The following RNF212 variants were observed in gnomAD, a reference collection of about 807,000 sequenced individuals.
RNF212 encodes probable E3 SUMO-protein ligase RNF212.
A neutral mutation model predicts 34.7 loss-of-function variants in RNF212; 33 were observed. The ratio of observed to expected loss-of-function variants is 0.95; its 90% CI spans 0.72 to 1.27. The LOEUF (loss-of-function observed/expected upper bound fraction) is 1.27, where lower values mean the gene tolerates loss of function less well. Among genes scored for constraint, RNF212 ranks in the 50% most tolerant of loss-of-function variants. The probability of loss-of-function intolerance (pLI) is 0.00; values close to 1 mark genes in which losing one functional copy is unlikely to be tolerated. For missense variants in RNF212, 377 were observed against 362.2 expected, an observed-to-expected ratio of 1.04 and a Z score of -0.33; for synonymous variants, 140 against 136.1, an observed-to-expected ratio of 1.03 and a Z score of -0.20.
At chr4:1,057,140 C>T (rs1717377569) in intron 4 of RNF212, 1 of 256,172 alleles carries the variant, frequency 3.9e-6, no homozygotes, top group African/African-American at 2.3e-5. Context: ...GCAGCACGCA[C>T]ACCCCCGCCC....
Position 1,090,764 on chromosome 4 carries a change from T to A in RNF212, c.303+18A>T. ...AAGGTCAAAAAAATTCAAGTGGCAA[T>A]GAATCAATTCCACTTACCTTTTCTC... is the stretch of plus-strand genomic sequence containing the variant. On this transcript the variant is annotated intron_variant, in intron 4 of 9. Transcript: ENST00000433731. 6.9e-7 allele frequency: 1 copy of A among 1,441,812 alleles called. No individual in the cohort carries two copies. Among genetic ancestry groups the A allele is most frequent in the Non-Finnish European group, 9.7e-7 (1 of 1,027,202 alleles). The allele number at this position is 1,441,812 out of a possible 1,614,324, so 89.3% of individuals were successfully genotyped here. A position where few individuals can be genotyped will look rare whatever the true frequency, so the allele number is the denominator to read the frequency against.
At chr4:1,064,955 G>A (rs1161924353) in intron 3 of RNF212, among the ~76,000 whole-genome samples, 1 of 152,200 alleles carries the variant, frequency 6.6e-6, no homozygotes. Flanking sequence ...TCATCCACGC[G>A]GTAGCGTGTG....
At chr4:1,073,862 G>C (rs1718837168) in intron 8 of RNF212, 200 bp from the exon 9 acceptor site, 4 of 587,336 alleles carry the variant, frequency 6.8e-6, no homozygotes, top group Non-Finnish European at 1.2e-5. Flanking sequence ...GTGTGGGTGG[G>C]TATTACCTGA....
downstream of RNF212, among the ~76,000 whole-genome samples, chr4:1,066,580 C>T (rs1292527921): frequency 6.6e-6 from 1 of 152,226 alleles, no homozygotes; most frequent in Non-Finnish European, 1.5e-5. Flanking sequence ...ATCCTTTTGC[C>T]TTGGTCTCCC....
intron 3 of RNF212, among the ~76,000 whole-genome samples, chr4:1,095,083 CGG>C (rs1722834945): frequency 1.3e-5 from 2 of 151,224 alleles, no homozygotes; most frequent in East Asian, 2.0e-4. Flanking sequence ...TGGCTCATCA[CGG>C]AACCAAGCAC....
intron 2 of RNF212, among the ~76,000 whole-genome samples, chr4:1,103,135 T>G (rs960058323): frequency 6.6e-6 from 1 of 152,122 alleles, no homozygotes; most frequent in East Asian, 1.9e-4. Context: ...GACAAGAAAT[T>G]TGAAAATTCC....
chr4:1,093,450 C>A, intron 3 of RNF212: 1 of 1,437,242 alleles, frequency 7.0e-7, no homozygotes, highest in South Asian at 1.5e-5. Context: ...CACACAGCTG[C>A]GGGAAAACTC....
intron 2 of RNF212, among the ~76,000 whole-genome samples, chr4:1,104,695 C>T (rs935739423): frequency 5.9e-5 from 9 of 152,162 alleles, no homozygotes; most frequent in African/African-American, 9.7e-5. Context: ...CAGAGTGGAG[C>T]GCCCCCACCA....
chr4:1,112,156 G>A (rs1217849544), intron 1 of RNF212, among the ~76,000 whole-genome samples: 1 of 152,162 alleles, frequency 6.6e-6, no homozygotes, highest in Non-Finnish European at 1.5e-5. Context: ...GCAGTAAACC[G>A]AGATCCCGCC....
At chr4:1,074,294 G>C (rs1718921770) in intron 8 of RNF212, among the ~76,000 whole-genome samples, 1 of 152,172 alleles carries the variant, frequency 6.6e-6, no homozygotes, top group South Asian at 2.1e-4. Flanking sequence ...TCTAGTTGCT[G>C]CCCCTTCCTG....
chr4:1,091,824 T>C (rs1460775978), intron 3 of RNF212, among the ~76,000 whole-genome samples: 1 of 152,150 alleles, frequency 6.6e-6, no homozygotes, highest in African/African-American at 2.4e-5. Flanking sequence ...CGGAGTGACT[T>C]GGAGCTCTAG....
chr4:1,090,884 C>G, intron 3 of RNF212, 46 bp from the exon 4 acceptor site: 2 of 1,279,926 alleles, frequency 1.6e-6, no homozygotes, highest in South Asian at 2.4e-5. Context: ...TCCACGGTCT[C>G]TGTGGCTGGA....
intron 4 of RNF212, chr4:1,056,923 G>C: frequency 3.0e-6 from 3 of 988,016 alleles, no homozygotes; most frequent in Non-Finnish European, 3.6e-6. Flanking sequence ...AGCTTGGAGA[G>C]TCCCCTCTTC....
intron 2 of RNF212, chr4:1,099,596 A>G: frequency 2.5e-6 from 1 of 397,666 alleles, no homozygotes; most frequent in Admixed American, 2.8e-5. Flanking sequence ...AAAAGTCAAG[A>G]TTGCTCGCAC....
At chr4:1,068,440 G>A (rs1718231520), downstream of RNF212, among the ~76,000 whole-genome samples, 1 of 152,152 alleles carries the variant, frequency 6.6e-6, no homozygotes, top group Non-Finnish European at 1.5e-5. Flanking sequence ...TATGTTTGCT[G>A]TGGTTGCTTT....
At chr4:1,085,829 C>T (rs998473310) in intron 5 of RNF212, 67 bp downstream of exon 5, 11 of 1,047,980 alleles carry the variant, frequency 1.0e-5, no homozygotes, top group Non-Finnish European at 1.7e-5. Context: ...TCTTGGAGAG[C>T]CAGACGACCA....
chr4:1,105,818 G>A (rs575041744), intron 2 of RNF212, among the ~76,000 whole-genome samples: 72 of 152,384 alleles, frequency 4.7e-4, no homozygotes, highest in African/African-American at 1.6e-3. Flanking sequence ...ACATTCCATA[G>A]AGACTTAAGG....
chr4:1,081,269 A>T, intron 7 of RNF212, 150 bp downstream of exon 7: 1 of 721,044 alleles, frequency 1.4e-6, no homozygotes, highest in Non-Finnish European at 2.5e-6. Context: ...CAGGGAGATG[A>T]AATAAGTACC....
rs547211360 is a variant in RNF212, at chr4:1,084,163, T to C, written c.362+1733A>G. 9.7e-4 allele frequency among the ~76,000 whole-genome samples: 148 copies of C among 152,172 alleles called. 1 individual carries two copies. Among genetic ancestry groups the C allele is most frequent in the African/African-American group, 3.5e-3 (145 of 41,534 alleles). ...ATGAGGTTTCTCCATGCTGGTCAGG[T>C]TGGTCTCAAACTCCCGACCTCAGGT... On this transcript the variant is annotated intron_variant, in intron 5 of 9. Transcript: ENST00000433731.
Sources: gnomAD v4.1 joint callset for allele counts (sites outside exome capture counted in the v4.1 genomes callset) on GRCh38, gnomAD v4.1.1 for gene constraint, MANE v1.5 for transcripts, NCBI Gene and HGNC (gene_info 2026-07-23, HGNC 2026-07-21) for gene names.